Variants in ITGA11 observed in about 807,000 individuals in gnomAD.
ITGA11 encodes integrin subunit alpha 11, also known as integrin alpha-11.
Under a neutral mutation model 141.9 loss-of-function variants are expected in ITGA11, and 97 were observed. The observed-to-expected ratio is 0.68, with a 90% CI of 0.58 to 0.81. The LOEUF (loss-of-function observed/expected upper bound fraction) is 0.81. ITGA11 is among the 30% of genes least tolerant of loss of function. The probability of loss-of-function intolerance (pLI) is 0.00; values close to 1 mark genes in which losing one functional copy is unlikely to be tolerated. For synonymous variants in ITGA11, 658 were observed against 624.6 expected, an observed-to-expected ratio of 1.05 and a Z score of -0.80; for missense variants, 1,387 against 1,559.2, an observed-to-expected ratio of 0.89 and a Z score of 1.86.
intron 2 of ITGA11, among the ~76,000 whole-genome samples, chr15:68,378,502 G>T (rs1895782226): frequency 6.6e-6 from 1 of 152,024 alleles, no homozygotes; most frequent in Non-Finnish European, 1.5e-5. Flanking sequence ...AATTATCCAG[G>T]TATGGTGGCA....
At chr15:68,336,524 C>A (rs893094996) in intron 11 of ITGA11, among the ~76,000 whole-genome samples, 3 of 152,180 alleles carry the variant, frequency 2.0e-5, no homozygotes, top group Non-Finnish European at 4.4e-5. Flanking sequence ...AATCCCCGCT[C>A]CCGGTATGGC....
At chr15:68,344,726 C>T (rs150450878) in intron 10 of ITGA11, among the ~76,000 whole-genome samples, 2 of 152,246 alleles carry the variant, frequency 1.3e-5, no homozygotes, top group African/African-American at 2.4e-5. Context: ...TGCTTCATAA[C>T]AGAACTGAGC....
In ITGA11 at chr15:68,325,132, G is replaced by A. The variant is rs745632067; in HGVS notation, c.2321C>T (p.Ser774Leu). Residue 774 changes from serine (S) to leucine (L), a missense_variant and splice_region_variant, in exon 18 of 30, where the codon TCG (serine) becomes TTG (leucine). Ser to Leu is a moderately radical substitution (Grantham distance 145). Coordinates refer to ENST00000315757, the MANE Select transcript of ITGA11 (RefSeq NM_001004439.2). This position sits in a 1 kb window ranked among gnomAD's most constrained non-coding sequence, Gnocchi z 5.5. ...TGCGTGCCCTGTACCGAGATGTACCGAGACTCTGAGAGTGGTGGGCCAGCC... is the reference window on the plus strand; with the variant it reads ...TGCGTGCCCTGTACCGAGATGTACCAAGACTCTGAGAGTGGTGGGCCAGCC... ...DDGWPTTLRV[S>L]VPFWNGCNED... 9.9e-6 allele frequency: 16 copies of A among 1,612,030 alleles called. No homozygotes were observed. The African/African-American group carries it at 1.5e-4, about 15-fold the overall frequency.
rs528104633 is a variant in ITGA11 at position 68,422,550 on chromosome 15, ACCTGAGGAAGCTCCTCCAAGC to A, written c.52+9444_52+9464del. Among the ~76,000 whole-genome samples the A allele has an allele frequency of 5.9e-3, 896 of 151,614 alleles. 5 individuals are homozygous for A. The highest frequency in any genetic ancestry group is 9.4e-3 in the Non-Finnish European group (639 of 67,894). Reference sequence around the variant, plus strand: ...CTGCTGTATCCAGCCTCCCCCTCCCACCTGAGGAAGCTCCTCCAAGCACAGATAGAACATGTCACTGCTCTC... The same window carrying A: ...CTGCTGTATCCAGCCTCCCCCTCCCAACAGATAGAACATGTCACTGCTCTC... On this transcript the variant is annotated intron_variant, in intron 1 of 29. Transcript: ENST00000315757.
intron 7 of ITGA11, among the ~76,000 whole-genome samples, chr15:68,353,692 C>T (rs150224647): frequency 6.6e-6 from 1 of 152,222 alleles, no homozygotes; most frequent in African/African-American, 2.4e-5. Context: ...TTATACATTC[C>T]TTGAGAGCAG....
At chr15:68,347,554 T>C (rs1894777609) in intron 10 of ITGA11, among the ~76,000 whole-genome samples, 1 of 152,138 alleles carries the variant, frequency 6.6e-6, no homozygotes, top group Non-Finnish European at 1.5e-5. Context: ...TGAGTGTGAG[T>C]GGCATTTCCG....
At chr15:68,380,581 T>C (rs912464708) in intron 2 of ITGA11, among the ~76,000 whole-genome samples, 1 of 152,162 alleles carries the variant, frequency 6.6e-6, no homozygotes, top group Non-Finnish European at 1.5e-5. Context: ...GGGTTCTTGC[T>C]CTGCTGTCTG....
rs2140287256 is a variant in ITGA11 at position 68,320,535 on chromosome 15, G to T, written c.2409-143C>A. On this transcript the variant is annotated intron_variant, in intron 19 of 29. Transcript: ENST00000315757. Reference sequence around the variant, plus strand: ...GGGAATAGCCACTGGGAGGAGAGTGGAAATGGATGGCAGGGCTGGAAAGAG... The same window carrying T: ...GGGAATAGCCACTGGGAGGAGAGTGTAAATGGATGGCAGGGCTGGAAAGAG... The T allele has an allele frequency of 6.2e-6, 4 of 641,116 alleles. 1 individual carries two copies. In the South Asian group the frequency reaches 7.8e-5, roughly 12 times the overall value. The allele number at this position is 641,116 out of a possible 1,614,324, so 39.7% of individuals were successfully genotyped here. A position where few individuals can be genotyped will look rare whatever the true frequency, so the allele number is the denominator to read the frequency against.
In ITGA11 at chr15:68,302,723, TACG is replaced by T. The variant is rs1893071137; in HGVS notation, c.*333_*335del. ...GGTTTCTCTGGAGGATGGGGATGAT[TACG>T]AATTCCTAGCACCTTAGTAGCTGGG... On this transcript the variant is annotated 3_prime_UTR_variant, in exon 30 of 30. Transcript: ENST00000315757. The T allele has an allele frequency of 3.6e-6, 1 of 274,180 alleles. No individual in the cohort carries two copies. The highest frequency in any genetic ancestry group is 2.2e-5 in the African/African-American group (1 of 44,918). 17.0% of individuals were successfully genotyped at this position (274,180 alleles called of 1,614,324 possible).
chr15:68,376,430 C>T (rs1335964559), intron 2 of ITGA11, among the ~76,000 whole-genome samples: 1 of 152,216 alleles, frequency 6.6e-6, no homozygotes, highest in Non-Finnish European at 1.5e-5. Context: ...TTTCATTGTC[C>T]TTATTTCCCT....
intron 26 of ITGA11, among the ~76,000 whole-genome samples, chr15:68,309,133 T>C (rs1893296692): frequency 6.6e-6 from 1 of 152,234 alleles, no homozygotes; most frequent in South Asian, 2.1e-4. Flanking sequence ...AGTACCATCC[T>C]GAAGACAAAG....
chr15:68,367,863 A>G (rs1405316673), intron 3 of ITGA11, among the ~76,000 whole-genome samples: 2 of 152,198 alleles, frequency 1.3e-5, no homozygotes, highest in African/African-American at 4.8e-5. Context: ...GTACAGCTGG[A>G]AGGGGACTCC....
In ITGA11 at chr15:68,307,522, A is replaced by T; in HGVS notation, c.3285+64T>A. ...CCCTCCCCAGGCAGCCCCAGGTGGA[A>T]GACATCCCAACAGCCGCCCCCTTTC... On this transcript the variant is annotated intron_variant, in intron 27 of 29. Transcript: ENST00000315757. The surrounding 1 kb of genome is among the most constrained non-coding windows in gnomAD (Gnocchi z 6.1). The T allele has an allele frequency of 6.6e-7, 1 of 1,518,004 alleles. No individual in the cohort carries two copies. Among genetic ancestry groups the T allele is most frequent in the South Asian group, 1.2e-5 (1 of 84,416 alleles). 94.0% of individuals were successfully genotyped at this position (1,518,004 alleles called of 1,614,324 possible). A position where few individuals can be genotyped will look rare whatever the true frequency, so the allele number is the denominator to read the frequency against.
chr15:68,317,138 C>T (rs1893607274), intron 21 of ITGA11, 127 bp downstream of exon 21: 3 of 688,028 alleles, frequency 4.4e-6, no homozygotes, highest in Non-Finnish European at 7.8e-6. Flanking sequence ...AAATAAAAGC[C>T]ACCTCAGGCC....
chr15:68,361,198 A>C (rs1895233218), intron 5 of ITGA11, among the ~76,000 whole-genome samples: 1 of 152,188 alleles, frequency 6.6e-6, no homozygotes, highest in Non-Finnish European at 1.5e-5. Flanking sequence ...AGGCTACTGC[A>C]TTGCACAACA....
At chr15:68,384,275 A>AG (rs1895930798) in intron 2 of ITGA11, among the ~76,000 whole-genome samples, 1 of 151,100 alleles carries the variant, frequency 6.6e-6, no homozygotes, top group Admixed American at 6.6e-5. Flanking sequence ...AAAAAAAAAA[A>AG]AAAAGGAGAC....
chr15:68,345,780 C>T (rs1894726118), intron 10 of ITGA11, among the ~76,000 whole-genome samples: 1 of 152,140 alleles, frequency 6.6e-6, no homozygotes. Flanking sequence ...GCCCTGATCC[C>T]CAGAGAGGCC....
At chr15:68,360,747 T>C (rs1895216431) in intron 5 of ITGA11, among the ~76,000 whole-genome samples, 1 of 152,164 alleles carries the variant, frequency 6.6e-6, no homozygotes, top group Non-Finnish European at 1.5e-5. Flanking sequence ...GGCTCTGCCA[T>C]TTCCTCTGTC....
At chr15:68,377,985 T>C (rs968150389) in intron 2 of ITGA11, among the ~76,000 whole-genome samples, 1 of 152,348 alleles carries the variant, frequency 6.6e-6, no homozygotes, top group African/African-American at 2.4e-5. Context: ...AGGCCTCTCC[T>C]CTAGACCTGC....
Sources: gnomAD v4.1 joint callset for allele counts (sites outside exome capture counted in the v4.1 genomes callset) on GRCh38, gnomAD v4.1.1 for gene constraint, Gnocchi (gnomAD v3.1) non-coding constraint, MANE v1.5 for transcripts, NCBI Gene and HGNC (gene_info 2026-07-23, HGNC 2026-07-21) for gene names.